The following PTGFRN variants were observed in gnomAD, a reference collection of about 807,000 sequenced individuals.
PTGFRN encodes the protein prostaglandin F2 receptor negative regulator.
A neutral mutation model predicts 83.2 loss-of-function variants in PTGFRN; 35 were observed. The observed-to-expected ratio is 0.42, with a 90% confidence interval of 0.32 to 0.56. The LOEUF (loss-of-function observed/expected upper bound fraction) is 0.56, where lower values mean the gene tolerates loss of function less well. PTGFRN is among the 20% of genes least tolerant of loss of function. The pLI is 0.11. For synonymous variants in PTGFRN, 519 were observed against 498.6 expected (o/e 1.04, Z -0.55); for missense variants, 1,051 against 1,179.5 (o/e 0.89, Z 1.60).
At chr1:116,915,821 A>G (rs1402674156) in intron 1 of PTGFRN, among the ~76,000 whole-genome samples, 1 of 152,206 alleles carries the variant, frequency 6.6e-6, no homozygotes, top group Non-Finnish European at 1.5e-5. Flanking sequence ...GTTTAATTGC[A>G]TTGGTTTCTT....
chr1:116,964,048 A>G (rs575449620), intron 5 of PTGFRN, among the ~76,000 whole-genome samples: 16 of 150,868 alleles, frequency 1.1e-4, no homozygotes, highest in Non-Finnish European at 1.8e-4. Context: ...CCGAAGTGCT[A>G]GGATTACAGG....
rs151286619 is a variant in PTGFRN, at chr1:116,961,687, T to C, written c.1639+19T>C. 3.1e-5 allele frequency: 50 copies of C among 1,587,794 alleles called. No individual in the cohort carries two copies. The African/African-American group carries it at 5.3e-4, about 17-fold the overall frequency. On this transcript the variant is annotated intron_variant, in intron 5 of 8. Transcript: ENST00000393203. The surrounding 1 kb of genome is among the most constrained non-coding windows in gnomAD (Gnocchi z 5.4). Reference sequence around the variant, plus strand: ...TTAGAAGGTAGGAACTTTTTTCTTGTTATTCATTTTTGTTTTGTCTTTGCT... The same window carrying C: ...TTAGAAGGTAGGAACTTTTTTCTTGCTATTCATTTTTGTTTTGTCTTTGCT...
At chr1:116,970,960 A>T (rs1650978417) in intron 6 of PTGFRN, among the ~76,000 whole-genome samples, 2 of 152,174 alleles carry the variant, frequency 1.3e-5, no homozygotes, top group Admixed American at 6.5e-5. Context: ...TTTAAATATG[A>T]TAGTGTAGGC....
intron 1 of PTGFRN, among the ~76,000 whole-genome samples, chr1:116,939,959 T>A (rs974174128): frequency 6.6e-6 from 1 of 152,178 alleles, no homozygotes; most frequent in African/African-American, 2.4e-5. Context: ...AACAAGTTCC[T>A]CATCTCCATC....
At position 116,952,026 on chromosome 1, in the gene PTGFRN, G is replaced by A. The variant is rs1487464594; in HGVS notation, c.1213+2454G>A. On this transcript the variant is annotated intron_variant, in intron 4 of 8. Transcript: ENST00000393203. This position sits in a 1 kb window ranked among gnomAD's most constrained non-coding sequence, Gnocchi z 4.0. ...GGAATGTTGTCACAGAAAAGTTTTC[G>A]AGAGAGTTGGTTTGCTACACAGGTA... Among the ~76,000 whole-genome samples the A allele has an allele frequency of 1.3e-5, 2 of 152,176 alleles. No homozygotes were observed. Among genetic ancestry groups the A allele is most frequent in the Non-Finnish European group, 2.9e-5 (2 of 68,026 alleles).
At chr1:116,983,805 G>A (rs182770634) in intron 7 of PTGFRN, among the ~76,000 whole-genome samples, 15 of 152,266 alleles carry the variant, frequency 9.9e-5, no homozygotes, top group African/African-American at 3.4e-4. Flanking sequence ...GTGGATTTAA[G>A]ACAACAGTGT....
At chr1:116,957,899 A>G (rs1650541494) in intron 4 of PTGFRN, among the ~76,000 whole-genome samples, 1 of 151,480 alleles carries the variant, frequency 6.6e-6, no homozygotes, top group Non-Finnish European at 1.5e-5. Flanking sequence ...ATTTCACTTA[A>G]CACTGTCCTC....
chr1:116,955,480 C>T (rs1650463681), intron 4 of PTGFRN, among the ~76,000 whole-genome samples: 1 of 152,180 alleles, frequency 6.6e-6, no homozygotes, highest in South Asian at 2.1e-4. Flanking sequence ...GACACACACA[C>T]ACAAAAACAC....
intron 4 of PTGFRN, among the ~76,000 whole-genome samples, chr1:116,950,712 G>T (rs1026759620): frequency 6.6e-6 from 1 of 152,108 alleles, no homozygotes; most frequent in African/African-American, 2.4e-5. Context: ...GACAGAGGGG[G>T]CAGGGAGAAG....
chr1:116,912,091 G>A (rs986986055), intron 1 of PTGFRN, among the ~76,000 whole-genome samples: 1 of 152,154 alleles, frequency 6.6e-6, no homozygotes, highest in African/African-American at 2.4e-5. Context: ...ATGCCCTTGA[G>A]TAATAATGAA....
intron 4 of PTGFRN, among the ~76,000 whole-genome samples, chr1:116,959,282 G>T (rs957681224): frequency 2.0e-5 from 3 of 152,204 alleles, no homozygotes. Flanking sequence ...AGAATGGCCA[G>T]TGGATTCCTC....
intron 7 of PTGFRN, among the ~76,000 whole-genome samples, chr1:116,981,446 GA>G (rs1651316189): frequency 6.6e-6 from 1 of 152,202 alleles, no homozygotes; most frequent in South Asian, 2.1e-4. Context: ...CCCTGGGAAA[GA>G]AACTAAAAGC....
intron 4 of PTGFRN, among the ~76,000 whole-genome samples, chr1:116,955,050 G>T (rs1369943939): frequency 1.3e-5 from 2 of 152,186 alleles, no homozygotes; most frequent in African/African-American, 4.8e-5. Context: ...CACATAGTAG[G>T]CCCACAATAC....
intron 1 of PTGFRN, among the ~76,000 whole-genome samples, chr1:116,930,381 A>G (rs1254203676): frequency 1.3e-5 from 2 of 152,120 alleles, no homozygotes; most frequent in African/African-American, 4.8e-5. Context: ...TTTTCTATAC[A>G]GTAATCTGTC....
intron 1 of PTGFRN, among the ~76,000 whole-genome samples, chr1:116,935,745 A>G (rs893682318): frequency 1.3e-5 from 2 of 152,160 alleles, no homozygotes; most frequent in Non-Finnish European, 2.9e-5. Flanking sequence ...GAGAGGTAAG[A>G]GAAACCTGTG....
chr1:116,974,994 A>G (rs529009754), intron 7 of PTGFRN, among the ~76,000 whole-genome samples: 5 of 152,330 alleles, frequency 3.3e-5, no homozygotes, highest in Admixed American at 2.6e-4. Flanking sequence ...GCTGTGACAG[A>G]CAGCACCTGG....
At chr1:116,913,923 A>G (rs757087491) in intron 1 of PTGFRN, among the ~76,000 whole-genome samples, 3 of 152,190 alleles carry the variant, frequency 2.0e-5, no homozygotes, top group Admixed American at 6.5e-5. Context: ...TATTTTTGCA[A>G]ATCTATTGAG....
intron 7 of PTGFRN, among the ~76,000 whole-genome samples, chr1:116,977,370 A>C (rs1256924116): frequency 6.6e-6 from 1 of 152,224 alleles, no homozygotes; most frequent in Non-Finnish European, 1.5e-5. Flanking sequence ...CACCAAGTGG[A>C]CCTAATAGAC....
chr1:116,929,478 C>T (rs1649740133), intron 1 of PTGFRN, among the ~76,000 whole-genome samples: 1 of 152,172 alleles, frequency 6.6e-6, no homozygotes, highest in South Asian at 2.1e-4. Flanking sequence ...GGCCCCTGCC[C>T]CCTCATTCAT....
Sources: allele counts gnomAD v4.1 joint callset (sites outside exome capture counted in the v4.1 genomes callset), GRCh38; gene constraint gnomAD v4.1.1; non-coding constraint Gnocchi (gnomAD v3.1); transcripts MANE v1.5; gene names NCBI Gene and HGNC (gene_info 2026-07-23, HGNC 2026-07-21).